The following IGF2BP2 variants were observed in gnomAD, a reference collection of about 807,000 sequenced individuals.
IGF2BP2 encodes insulin-like growth factor 2 mRNA-binding protein 2.
In IGF2BP2, 17 loss-of-function variants were observed where a neutral mutation model predicts 75.8. That is an observed-to-expected ratio of 0.22 (90% CI 0.15 to 0.34). IGF2BP2 has a LOEUF of 0.34. Among genes scored for constraint, IGF2BP2 ranks in the 10% least tolerant of loss-of-function variants. The pLI, the probability that IGF2BP2 is intolerant of heterozygous loss-of-function variation, is 1.00. For synonymous variants in IGF2BP2, 288 were observed against 295.6 expected, an observed-to-expected ratio of 0.97 and a Z score of 0.26; for missense variants, 516 against 772.4, an observed-to-expected ratio of 0.67 and a Z score of 3.93.
At chr3:185,674,547 C>T (rs1016731376) in intron 9 of IGF2BP2, among the ~76,000 whole-genome samples, 1 of 152,110 alleles carries the variant, frequency 6.6e-6, no homozygotes, top group African/African-American at 2.4e-5. Flanking sequence ...AATGAGTCTG[C>T]TACAAATATA....
intron 7 of IGF2BP2, among the ~76,000 whole-genome samples, chr3:185,677,056 TATATATATATATAGAGAGAG>T (rs1410966211): frequency 1.8e-5 from 1 of 55,344 alleles, no homozygotes; most frequent in Non-Finnish European, 3.4e-5. Flanking sequence ...TATATATATA[TATATATATATATAGAGAGAG>T]AGAGAGAGAG....
In IGF2BP2 at chr3:185,821,461, G is replaced by A. The variant is rs186525102; in HGVS notation, c.239+1692C>T. Among the ~76,000 whole-genome samples, 691 of 152,152 alleles carry A rather than the reference G, an allele frequency of 4.5e-3. 2 individuals are homozygous for A. Among genetic ancestry groups the A allele is most frequent in the Non-Finnish European group, 8.5e-3 (575 of 67,998 alleles). The stretch of plus-strand genomic sequence containing the variant: ...AACAAAATTACTTAAATGACACTCC[G>A]GCTAACAGCAAATAATCTGCATTTT... On this transcript the variant is annotated intron_variant, in intron 2 of 15. Coordinates refer to ENST00000382199, the MANE Select transcript of IGF2BP2 (RefSeq NM_006548.6).
chr3:185,771,932 G>C (rs1733932978), intron 2 of IGF2BP2, among the ~76,000 whole-genome samples: 1 of 152,030 alleles, frequency 6.6e-6, no homozygotes, highest in Non-Finnish European at 1.5e-5. Flanking sequence ...TTATATCCTG[G>C]AACCCTGTCA....
chr3:185,685,104 T>C (rs1027722483), intron 7 of IGF2BP2, among the ~76,000 whole-genome samples: 2 of 152,064 alleles, frequency 1.3e-5, no homozygotes, highest in African/African-American at 4.8e-5. Flanking sequence ...TCCCAGCACA[T>C]TGGGAGGCCA....
intron 2 of IGF2BP2, among the ~76,000 whole-genome samples, chr3:185,721,141 T>A (rs1426879734): frequency 6.6e-6 from 1 of 152,170 alleles, no homozygotes; most frequent in Non-Finnish European, 1.5e-5. Context: ...TTTAACCAAT[T>A]AATGAATGAC....
chr3:185,813,894 A>G (rs922707485), intron 2 of IGF2BP2, among the ~76,000 whole-genome samples: 9 of 152,204 alleles, frequency 5.9e-5, no homozygotes, highest in African/African-American at 1.7e-4. Context: ...TGCAAAGGAG[A>G]AGGAGAATGA....
rs560951317 is a variant in IGF2BP2 at position 185,682,832 on chromosome 3, C to G, written c.812+4225G>C. On this transcript the variant is annotated intron_variant, in intron 7 of 15. Transcript: ENST00000382199. ...ATGTGGAGAAACTGAAACCCCTGTG[C>G]ACTGTTGGTGGGGTTGGAAAATGGA... is the stretch of plus-strand genomic sequence containing the variant. 1.5e-4 allele frequency among the ~76,000 whole-genome samples: 23 copies of G among 152,200 alleles called. No homozygotes were observed. In the South Asian group the frequency reaches 1.9e-3, roughly 12 times the overall value.
chr3:185,677,068 T>TATATATATATATATATATAG, intron 7 of IGF2BP2, among the ~76,000 whole-genome samples: 25 of 35,852 alleles, frequency 7.0e-4, no homozygotes, highest in South Asian at 2.2e-3. Context: ...TATATATATA[T>TATATATATATATATATATAG]AGAGAGAGAG....
chr3:185,723,207 C>T (rs1726821673), intron 2 of IGF2BP2, among the ~76,000 whole-genome samples: 1 of 152,114 alleles, frequency 6.6e-6, no homozygotes, highest in Non-Finnish European at 1.5e-5. Flanking sequence ...ATTAGGGGCA[C>T]AATCAAAATT....
intron 2 of IGF2BP2, among the ~76,000 whole-genome samples, chr3:185,811,923 A>G (rs1739942519): frequency 6.6e-6 from 1 of 150,928 alleles, no homozygotes; most frequent in Non-Finnish European, 1.5e-5. Context: ...GGGATCTTTA[A>G]CAACACGTAG....
At position 185,675,840 on chromosome 3, in the gene IGF2BP2, T is replaced by G; in HGVS notation, c.886A>C (p.Asn296His). 2.5e-6 allele frequency: 4 copies of G among 1,613,872 alleles called. No homozygotes were observed. Among genetic ancestry groups the G allele is most frequent in the Non-Finnish European group, 2.5e-6 (3 of 1,179,946 alleles). The change falls in exon 8 of 16, where the codon AAT becomes CAT. Residue 296 changes from asparagine (N) to histidine (H), a missense_variant. Asn to His is a moderately conservative substitution (Grantham distance 68). This residue lies in a region of IGF2BP2 where 312 missense variants were observed against 474.5 expected (regional missense o/e 0.66). Transcript: ENST00000382199. Reference sequence around the variant, plus strand: ...GTTTCATGTTCAATTTTCTTCAAATTTCTGCCTTCTTTTCCAATCAGTCTT... The same window carrying G: ...GTTTCATGTTCAATTTTCTTCAAATGTCTGCCTTCTTTTCCAATCAGTCTT... ...VGRLIGKEGR[N>H]LKKIEHETGT...
Position 185,675,915 on chromosome 3 carries a change from TA to T in IGF2BP2, c.813-3del. On this transcript the variant is annotated splice_region_variant and splice_polypyrimidine_tract_variant and intron_variant, in intron 7 of 15. Transcript: ENST00000382199. Reference sequence around the variant, plus strand: ...ATTTTCAGAGGAATCTCTTCGGCTCTAAAAGAGACAAGCAGCAAGTTAACAC... The same window carrying T: ...ATTTTCAGAGGAATCTCTTCGGCTCTAAAGAGACAAGCAGCAAGTTAACAC... 1 of 1,613,812 alleles carries T rather than the reference TA, an allele frequency of 6.2e-7. No homozygotes were observed. The highest frequency in any genetic ancestry group is 2.2e-5 in the East Asian group (1 of 44,860).
At chr3:185,670,928 T>C (rs892749733) in intron 10 of IGF2BP2, among the ~76,000 whole-genome samples, 1 of 152,212 alleles carries the variant, frequency 6.6e-6, no homozygotes, top group Non-Finnish European at 1.5e-5. Flanking sequence ...TCCCCACTTA[T>C]ATTACCTATA....
intron 2 of IGF2BP2, among the ~76,000 whole-genome samples, chr3:185,707,078 A>G (rs1263736854): frequency 6.6e-6 from 1 of 151,714 alleles, no homozygotes; most frequent in African/African-American, 2.4e-5. Context: ...GACATCACTT[A>G]GTCAGATGTG....
rs770453815 is a variant in IGF2BP2 at position 185,665,898 on chromosome 3, C to T, written c.1200+6643G>A. Among the ~76,000 whole-genome samples, 37 of 151,968 alleles carry T rather than the reference C, an allele frequency of 2.4e-4. 1 individual carries two copies. The highest frequency in any genetic ancestry group is 8.8e-5 in the Non-Finnish European group (6 of 67,984). On this transcript the variant is annotated intron_variant, in intron 10 of 15. Transcript: ENST00000382199. ...ATGAGAATCGCTTGAACCTGGGAGG[C>T]GGAGGTTGCAGTGAGCCAAAATTGC...
chr3:185,701,375 A>G lies in IGF2BP2; in HGVS notation c.240-3028T>C, dbSNP rs1052459067. Among the ~76,000 whole-genome samples, 7 of 150,906 alleles carry G rather than the reference A, an allele frequency of 4.6e-5. No homozygotes were observed. In the South Asian group the frequency reaches 8.3e-4, roughly 18 times the overall value. ...TACTGGAACCTGCTAAGTAAAAAAAAAAAAAAAAGAAAGAAAGAAAGAAAG... is the reference window on the plus strand; with the variant it reads ...TACTGGAACCTGCTAAGTAAAAAAAGAAAAAAAAGAAAGAAAGAAAGAAAG... On this transcript the variant is annotated intron_variant, in intron 2 of 15. Coordinates refer to ENST00000382199, the MANE Select transcript of IGF2BP2 (RefSeq NM_006548.6).
chr3:185,824,052 T>G (rs1741713665), intron 1 of IGF2BP2, among the ~76,000 whole-genome samples: 2 of 151,714 alleles, frequency 1.3e-5, no homozygotes, highest in South Asian at 4.2e-4. Flanking sequence ...AGCCCCGAGT[T>G]CTTCTCAATA....
At chr3:185,721,542 TG>T (rs1726549324) in intron 2 of IGF2BP2, among the ~76,000 whole-genome samples, 2 of 152,178 alleles carry the variant, frequency 1.3e-5, no homozygotes, top group South Asian at 4.1e-4. Context: ...CTCTTTTTAA[TG>T]GTTAAAACTT....
In IGF2BP2 at chr3:185,647,005, G is replaced by T. The variant is rs1167458102; in HGVS notation, c.1707+20C>A. The T allele has an allele frequency of 1.3e-6, 2 of 1,550,954 alleles. No homozygotes were observed. The highest frequency in any genetic ancestry group is 2.7e-5 in the African/African-American group (2 of 73,566). ...TGAAAAGAGACTTGCAGGAGAGACA[G>T]GGCCCTCACAGCACAGTACCTGGCT... On this transcript the variant is annotated intron_variant, in intron 15 of 15. Coordinates refer to ENST00000382199, the MANE Select transcript of IGF2BP2 (RefSeq NM_006548.6). This position sits in a 1 kb window ranked among gnomAD's most constrained non-coding sequence, Gnocchi z 4.9.
Sources: allele counts gnomAD v4.1 joint callset (sites outside exome capture counted in the v4.1 genomes callset), GRCh38; gene constraint gnomAD v4.1.1; regional missense constraint gnomAD v4.1.1; non-coding constraint Gnocchi (gnomAD v3.1); transcripts MANE v1.5; gene names NCBI Gene and HGNC (gene_info 2026-07-23, HGNC 2026-07-21).